FAT3: variants seen among roughly 807,000 people sequenced by gnomAD.
FAT3 encodes protocadherin Fat 3.
A neutral mutation model predicts 310.2 loss-of-function variants in FAT3; 95 were observed. The ratio of observed to expected loss-of-function variants is 0.31; its 90% confidence interval spans 0.26 to 0.36. The LOEUF (loss-of-function observed/expected upper bound fraction) is 0.36. Ranked by LOEUF, FAT3 falls within the 10% of genes least tolerant of loss-of-function variation. The probability of loss-of-function intolerance (pLI) is 1.00; values close to 1 mark genes in which losing one functional copy is unlikely to be tolerated. For synonymous variants in FAT3, 2,314 were observed against 2,192.9 expected, an observed-to-expected ratio of 1.06 and a Z score of -1.54; for missense variants, 5,408 against 5,715.6, an observed-to-expected ratio of 0.95 and a Z score of 1.74.
chr11:92,552,783 G>GA (rs71064718), intron 3 of FAT3, among the ~76,000 whole-genome samples: 14 of 147,996 alleles, frequency 9.5e-5, no homozygotes, highest in African/African-American at 2.2e-4. Context: ...ACAGTAAAAA[G>GA]AAAAAAAAAA....
intron 8 of FAT3, among the ~76,000 whole-genome samples, chr11:92,792,443 G>A (rs889257804): frequency 6.6e-6 from 1 of 152,148 alleles, no homozygotes; most frequent in South Asian, 2.1e-4. Flanking sequence ...CACAAATAAG[G>A]GGGAGGCCAC....
intron 3 of FAT3, among the ~76,000 whole-genome samples, chr11:92,568,851 T>C (rs1565420172): frequency 1.3e-5 from 2 of 152,166 alleles, no homozygotes; most frequent in African/African-American, 4.8e-5. Context: ...ACTCACAGTG[T>C]GCTCTGACCT....
At chr11:92,738,914 G>A (rs1386388777) in intron 4 of FAT3, among the ~76,000 whole-genome samples, 1 of 152,114 alleles carries the variant, frequency 6.6e-6, no homozygotes, top group Non-Finnish European at 1.5e-5. Flanking sequence ...AGATATTAAA[G>A]TGCTTGGAAG....
chr11:92,602,618 A>T (rs1419332645), intron 3 of FAT3, among the ~76,000 whole-genome samples: 4 of 152,214 alleles, frequency 2.6e-5, no homozygotes, highest in Non-Finnish European at 5.9e-5. Flanking sequence ...ATCTTTAGGG[A>T]TACAAATGTG....
At chr11:92,856,239 A>T (rs772307584) in intron 19 of FAT3, among the ~76,000 whole-genome samples, 8 of 152,190 alleles carry the variant, frequency 5.3e-5, no homozygotes, top group Non-Finnish European at 1.2e-4. Flanking sequence ...CTGGTATGCT[A>T]CACATTCTCA....
intron 4 of FAT3, among the ~76,000 whole-genome samples, chr11:92,703,241 G>A (rs1282778776): frequency 6.6e-6 from 1 of 152,180 alleles, no homozygotes; most frequent in Non-Finnish European, 1.5e-5. Context: ...TTTCTTTGCT[G>A]AGAGCACACC....
chr11:92,380,042 T>A (rs1949449685), intron 2 of FAT3, among the ~76,000 whole-genome samples: 1 of 150,930 alleles, frequency 6.6e-6, no homozygotes, highest in African/African-American at 2.4e-5. Flanking sequence ...ATGATGTCGT[T>A]GAGTCAGAAT....
chr11:92,320,435 GA>G (rs35184633), intron 1 of FAT3, among the ~76,000 whole-genome samples: 1 of 150,094 alleles, frequency 6.7e-6, no homozygotes, highest in Non-Finnish European at 1.5e-5. Context: ...AAGGCCTAAA[GA>G]AAAAAAAAAT....
intron 2 of FAT3, among the ~76,000 whole-genome samples, chr11:92,518,813 A>G (rs1953586170): frequency 6.6e-6 from 1 of 152,152 alleles, no homozygotes; most frequent in South Asian, 2.1e-4. Flanking sequence ...TGTCAAAAAC[A>G]TGAAATGTTT....
chr11:92,303,795 C>T (rs1243767146), intron 1 of FAT3, among the ~76,000 whole-genome samples: 1 of 152,122 alleles, frequency 6.6e-6, no homozygotes, highest in Non-Finnish European at 1.5e-5. Context: ...AGATTCGCCT[C>T]ACCACCTGAT....
chr11:92,453,217 G>A (rs1212701702), intron 2 of FAT3, among the ~76,000 whole-genome samples: 1 of 152,188 alleles, frequency 6.6e-6, no homozygotes, highest in Non-Finnish European at 1.5e-5. Context: ...AGGGCCTGGA[G>A]TCAGTGAATG....
chr11:92,260,913 T>C (rs983942973), intron 1 of FAT3, among the ~76,000 whole-genome samples: 1 of 152,022 alleles, frequency 6.6e-6, no homozygotes, highest in African/African-American at 2.4e-5. Flanking sequence ...AAAACTTAAG[T>C]GTGGGTATCC....
In FAT3 at chr11:92,352,412, A is replaced by G. The variant is rs773530531; in HGVS notation, c.300A>G (p.Ala100=). The G allele has an allele frequency of 1.2e-6, 2 of 1,611,762 alleles. No individual in the cohort carries two copies. Among genetic ancestry groups the G allele is most frequent in the Admixed American group, 1.7e-5 (1 of 59,898 alleles). The change falls in exon 2 of 28, where the codon GCA becomes GCG. Residue 100 remains alanine, a synonymous_variant. Transcript: ENST00000525166. ...TCAAAGCAGAGGAAGTCATCATTGCAGATTTCTGTTTTCTCAGAATAAGAA... is the reference window on the plus strand; with the variant it reads ...TCAAAGCAGAGGAAGTCATCATTGCGGATTTCTGTTTTCTCAGAATAAGAA... ...GFFKAEEVII[A]DFCFLRIRTK...
At chr11:92,456,855 G>A in intron 2 of FAT3, among the ~76,000 whole-genome samples, 1 of 152,174 alleles carries the variant, frequency 6.6e-6, no homozygotes, top group East Asian at 1.9e-4. Context: ...TTTTGGGCAT[G>A]TGTGCCATGG....
rs1378928635 is a variant in FAT3 at position 92,892,211 on chromosome 11, G to A, written c.*1098G>A. 1 of 152,150 alleles carries A rather than the reference G, an allele frequency of 6.6e-6. No homozygotes were observed. Among genetic ancestry groups the A allele is most frequent in the African/African-American group, 2.4e-5 (1 of 41,430 alleles). 9.4% of individuals were successfully genotyped at this position (152,150 alleles called of 1,614,324 possible). ...TGTGTCTGGGCCTATGTACAAATAT[G>A]TGCTTGCACTCAGTAAGGCTGCTCT... On this transcript the variant is annotated 3_prime_UTR_variant, in exon 28 of 28. Coordinates refer to ENST00000525166, the MANE Select transcript of FAT3 (RefSeq NM_001367949.2).
intron 2 of FAT3, among the ~76,000 whole-genome samples, chr11:92,486,258 T>C (rs185493817): frequency 2.1e-4 from 32 of 151,500 alleles, no homozygotes; most frequent in Admixed American, 2.0e-3. Flanking sequence ...AGTTACTTTA[T>C]TGACTGTGTA....
intron 4 of FAT3, among the ~76,000 whole-genome samples, chr11:92,705,430 G>A (rs1405663742): frequency 1.6e-4 from 23 of 142,342 alleles, no homozygotes; most frequent in African/African-American, 4.7e-4. Context: ...AGTGGTGGTG[G>A]TGGTGATGGT....
At chr11:92,512,623 A>G (rs1953336345) in intron 2 of FAT3, among the ~76,000 whole-genome samples, 1 of 147,466 alleles carries the variant, frequency 6.8e-6, no homozygotes, top group Admixed American at 6.8e-5. Flanking sequence ...ATTAAAATAT[A>G]TATATTTAAA....
chr11:92,886,560 T>C lies in FAT3; in HGVS notation c.12938-440T>C, dbSNP rs550808457. Among the ~76,000 whole-genome samples, 4 of 152,310 alleles carry C rather than the reference T, an allele frequency of 2.6e-5. No individual in the cohort carries two copies. The South Asian group carries it at 8.3e-4, about 32-fold the overall frequency. ...GTCCAGAGATGGAAGTTAGGATAAA[T>C]GTAAAGGCATTCTTGCCTATAAAAT... On this transcript the variant is annotated intron_variant, in intron 24 of 27. Coordinates refer to ENST00000525166, the MANE Select transcript of FAT3 (RefSeq NM_001367949.2).
Sources: gnomAD v4.1 joint callset for allele counts (sites outside exome capture counted in the v4.1 genomes callset) on GRCh38, gnomAD v4.1.1 for gene constraint, MANE v1.5 for transcripts, NCBI Gene and HGNC (gene_info 2026-07-23, HGNC 2026-07-21) for gene names.